BEND5: variants seen among roughly 807,000 people sequenced by gnomAD.
BEND5 encodes the protein BEN domain containing 5, also known as BEN domain-containing protein 5.
Under a neutral mutation model 43.9 loss-of-function variants are expected in BEND5, and 22 were observed. The observed-to-expected ratio is 0.50, with a 90% CI of 0.36 to 0.72. The LOEUF is 0.72. BEND5 is among the 30% of genes least tolerant of loss of function. BEND5 has a pLI of 0.00. For synonymous variants in BEND5, 228 were observed against 225.9 expected, an observed-to-expected ratio of 1.01 and a Z score of -0.08; for missense variants, 428 against 550.6, an observed-to-expected ratio of 0.78 and a Z score of 2.23.
chr1:48,744,703 T>C (rs1650456513), intron 3 of BEND5, among the ~76,000 whole-genome samples: 1 of 152,230 alleles, frequency 6.6e-6, no homozygotes, highest in South Asian at 2.1e-4. Context: ...ATCTTCCACA[T>C]GACCCTGTCT....
chr1:48,740,779 A>G (rs1649796024), intron 4 of BEND5, among the ~76,000 whole-genome samples: 1 of 152,180 alleles, frequency 6.6e-6, no homozygotes, highest in South Asian at 2.1e-4. Flanking sequence ...AAGACAGCAG[A>G]GCCAAGAACA....
chr1:48,755,961 C>A (rs1015032300), intron 3 of BEND5, among the ~76,000 whole-genome samples: 5 of 152,166 alleles, frequency 3.3e-5, no homozygotes, highest in Admixed American at 3.3e-4. Context: ...GTTAGTTAAC[C>A]TGCCCAAGGT....
intron 5 of BEND5, among the ~76,000 whole-genome samples, chr1:48,733,632 A>T (rs1230070892): frequency 2.0e-5 from 3 of 152,230 alleles, no homozygotes; most frequent in African/African-American, 4.8e-5. Context: ...AGCCACATGC[A>T]TGGCTGAGGT....
In BEND5 at chr1:48,736,882, T is replaced by C. The variant is rs1319628668; in HGVS notation, c.895-430A>G. On this transcript the variant is annotated intron_variant, in intron 4 of 5. Coordinates refer to ENST00000371833, the MANE Select transcript of BEND5 (RefSeq NM_024603.4). This position sits in a 1 kb window ranked among gnomAD's most constrained non-coding sequence, Gnocchi z 4.0. The stretch of plus-strand genomic sequence containing the variant: ...CTTAACTTCTTTCTGTGTTACACTA[T>C]GGAAAGACCCACCTTCCTTTAATGT... 1.3e-5 allele frequency among the ~76,000 whole-genome samples: 2 copies of C among 152,170 alleles called. No homozygotes were observed. The highest frequency in any genetic ancestry group is 6.5e-5 in the Admixed American group (1 of 15,282).
intron 1 of BEND5, among the ~76,000 whole-genome samples, chr1:48,773,325 A>G (rs1173811526): frequency 1.3e-5 from 2 of 152,132 alleles, no homozygotes; most frequent in Admixed American, 6.5e-5. Context: ...GAGCTCTCCA[A>G]ATGAGTAGTT....
intron 3 of BEND5, among the ~76,000 whole-genome samples, chr1:48,754,976 T>C (rs770983567): frequency 1.3e-5 from 2 of 152,222 alleles, no homozygotes; most frequent in Non-Finnish European, 2.9e-5. Flanking sequence ...TGACAGTCTA[T>C]AGCCTAAGTT....
intron 5 of BEND5, among the ~76,000 whole-genome samples, chr1:48,733,231 G>T (rs1451093935): frequency 6.6e-6 from 1 of 152,134 alleles, no homozygotes; most frequent in Non-Finnish European, 1.5e-5. Flanking sequence ...TTTACATGAT[G>T]CTGGGAAGGA....
chr1:48,743,218 T>A (rs1182769414), intron 3 of BEND5, among the ~76,000 whole-genome samples: 1 of 152,096 alleles, frequency 6.6e-6, no homozygotes, highest in East Asian at 1.9e-4. Flanking sequence ...TGGGCAAAAA[T>A]GTTAAGGCCT....
intron 1 of BEND5, among the ~76,000 whole-genome samples, chr1:48,769,793 C>A (rs754822770): frequency 3.3e-5 from 5 of 152,166 alleles, no homozygotes; most frequent in Admixed American, 6.5e-5. Flanking sequence ...CAATTACTAT[C>A]TCCATGCTAT....
chr1:48,743,786 C>A (rs1650302944), intron 3 of BEND5, among the ~76,000 whole-genome samples: 2 of 152,186 alleles, frequency 1.3e-5, no homozygotes, highest in Non-Finnish European at 2.9e-5. Context: ...AATCTGCTTG[C>A]CACTCTGGGT....
intron 1 of BEND5, among the ~76,000 whole-genome samples, chr1:48,763,461 G>A (rs980871522): frequency 6.6e-6 from 1 of 151,938 alleles, no homozygotes; most frequent in Admixed American, 6.6e-5. Context: ...ATCTTGCAAT[G>A]GTGTTTTTTT....
Position 48,727,942 on chromosome 1 carries a change from T to G in BEND5, c.1210A>C (p.Ile404Leu). The G allele has an allele frequency of 6.2e-7, 1 of 1,611,904 alleles. No individual in the cohort carries two copies. Among genetic ancestry groups the G allele is most frequent in the Non-Finnish European group, 8.5e-7 (1 of 1,178,196 alleles). Residue 404 changes from isoleucine (I) to leucine (L), a missense_variant, in exon 6 of 6, where the codon ATC becomes CTC. Physicochemically the swap from Ile to Leu is conservative, Grantham distance 5. This residue lies in a region of BEND5 where 75 missense variants were observed against 148.5 expected (regional missense o/e 0.50). Transcript: ENST00000371833. ...NKYICEKIMD[I>L]NKSCKNEERR... The stretch of plus-strand genomic sequence containing the variant: ...TCTTCATTTTTACAGGATTTATTGA[T>G]ATCCATGATTTTTTCACAGATGTAC...
chr1:48,745,435 T>C (rs1336815731), intron 3 of BEND5, among the ~76,000 whole-genome samples: 1 of 152,170 alleles, frequency 6.6e-6, no homozygotes, highest in African/African-American at 2.4e-5. Context: ...GAGGGACAGC[T>C]AACGGACATC....
intron 3 of BEND5, among the ~76,000 whole-genome samples, chr1:48,755,950 A>T (rs934543540): frequency 2.0e-5 from 3 of 152,232 alleles, no homozygotes; most frequent in African/African-American, 7.2e-5. Context: ...GAGGCAGAGA[A>T]GTTAGTTAAC....
intron 1 of BEND5, among the ~76,000 whole-genome samples, chr1:48,771,289 G>A (rs180916320): frequency 6.6e-6 from 1 of 152,316 alleles, no homozygotes; most frequent in African/African-American, 2.4e-5. Context: ...ACTAGAAAGA[G>A]AATTGGTCTT....
chr1:48,734,445 C>A lies in BEND5; in HGVS notation c.1108+1794G>T, dbSNP rs186963509. Among the ~76,000 whole-genome samples, 253 of 152,318 alleles carry A rather than the reference C, an allele frequency of 1.7e-3. 1 individual carries two copies. The highest frequency in any genetic ancestry group is 0.014 in the Middle Eastern group (4 of 294). On this transcript the variant is annotated intron_variant, in intron 5 of 5. Transcript: ENST00000371833. ...CAAGAGCACTGTATCAGCTTTGTAA[C>A]TCATCTCCCATGTGGTCACTCCATG...
At chr1:48,749,679 G>A (rs115410443) in intron 3 of BEND5, among the ~76,000 whole-genome samples, 34 of 152,288 alleles carry the variant, frequency 2.2e-4, no homozygotes, top group African/African-American at 6.5e-4. Context: ...CATGAGGGGT[G>A]CGGTGGAAGG....
intron 4 of BEND5, among the ~76,000 whole-genome samples, chr1:48,741,149 A>G (rs931095316): frequency 6.6e-6 from 1 of 152,218 alleles, no homozygotes; most frequent in Non-Finnish European, 1.5e-5. Context: ...TACTTTAAGA[A>G]AAACTCTCTA....
chr1:48,749,229 ATC>A (rs936675985), intron 3 of BEND5, among the ~76,000 whole-genome samples: 4 of 152,036 alleles, frequency 2.6e-5, no homozygotes, highest in East Asian at 1.9e-4. Context: ...TATCAAATGT[ATC>A]TCTCTTTTTT....
Sources: allele counts gnomAD v4.1 joint callset (sites outside exome capture counted in the v4.1 genomes callset), GRCh38; gene constraint gnomAD v4.1.1; regional missense constraint gnomAD v4.1.1; non-coding constraint Gnocchi (gnomAD v3.1); transcripts MANE v1.5; gene names NCBI Gene and HGNC (gene_info 2026-07-23, HGNC 2026-07-21).